Variants in EFHC1 observed in about 807,000 individuals in gnomAD.
EFHC1 encodes the protein EF-hand domain-containing protein 1.
In EFHC1, 53 loss-of-function variants were observed where a neutral mutation model predicts 69.9. That is an observed-to-expected ratio of 0.76 (90% CI 0.61 to 0.95). The LOEUF (loss-of-function observed/expected upper bound fraction) is 0.95, where lower values mean the gene tolerates loss of function less well. Ranked by LOEUF, EFHC1 falls within the 40% of genes least tolerant of loss-of-function variation. EFHC1 has a pLI of 0.00. For synonymous variants in EFHC1, 256 were observed against 278.4 expected, an observed-to-expected ratio of 0.92 and a Z score of 0.80; for missense variants, 739 against 798.7, an observed-to-expected ratio of 0.93 and a Z score of 0.90.
At chr6:52,482,983 T>C (rs1271002259) in intron 9 of EFHC1, 7 of 396,568 alleles carry the variant, frequency 1.8e-5, no homozygotes, top group Non-Finnish European at 1.3e-5. Context: ...ATAAAGTTTG[T>C]GTATCACTGA....
chr6:52,435,849 A>T lies in EFHC1; in HGVS notation c.286-2455A>T, dbSNP rs147068311. Reference sequence around the variant, plus strand: ...CCTCCTAGTTAAGCTTTCTCTGACCACTTTAGTCCACACAGATTCCTTCTT... The same window carrying T: ...CCTCCTAGTTAAGCTTTCTCTGACCTCTTTAGTCCACACAGATTCCTTCTT... On this transcript the variant is annotated intron_variant, in intron 2 of 10. Coordinates refer to ENST00000371068, the MANE Select transcript of EFHC1 (RefSeq NM_018100.4). 1.6e-4 allele frequency among the ~76,000 whole-genome samples: 24 copies of T among 152,288 alleles called. No homozygotes were observed. In the East Asian group the frequency reaches 4.6e-3, roughly 29 times the overall value.
Position 52,495,991 on chromosome 6 carries a change from A to ACTT in EFHC1, c.*3651_*3653dup, listed in dbSNP as rs1766048988. The ACTT allele has an allele frequency of 4.7e-6, 1 of 213,270 alleles. No homozygotes were observed. The highest frequency in any genetic ancestry group is 5.2e-5 in the Admixed American group (1 of 19,102). The allele number at this position is 213,270 out of a possible 1,614,324, so 13.2% of individuals were successfully genotyped here. ...GGAGCCACAAACGTCAGAGCAAATC[A>ACTT]CTTTTTCTACTAAAATCCTGAATGG... On this transcript the variant is annotated 3_prime_UTR_variant, in exon 11 of 11. Coordinates refer to ENST00000371068, the MANE Select transcript of EFHC1 (RefSeq NM_018100.4).
chr6:52,494,411 TC>T lies in EFHC1; in HGVS notation c.*2072del, dbSNP rs1284720582. Reference sequence around the variant, plus strand: ...TCTTTCTGTCTTCTGCTCCCTTTGTTCCTATTCAGCCATGCTGCTGTTTCTA... The same window carrying T: ...TCTTTCTGTCTTCTGCTCCCTTTGTTCTATTCAGCCATGCTGCTGTTTCTA... On this transcript the variant is annotated 3_prime_UTR_variant, in exon 11 of 11. Transcript: ENST00000371068. 1 of 454,016 alleles carries T rather than the reference TC, an allele frequency of 2.2e-6. No homozygotes were observed. Among genetic ancestry groups the T allele is most frequent in the Admixed American group, 2.4e-5 (1 of 42,552 alleles). 28.1% of individuals were successfully genotyped at this position (454,016 alleles called of 1,614,324 possible).
intron 2 of EFHC1, among the ~76,000 whole-genome samples, chr6:52,431,489 T>C (rs1448907371): frequency 1.3e-5 from 2 of 152,220 alleles, no homozygotes; most frequent in African/African-American, 2.4e-5. Flanking sequence ...GGTTATTTAA[T>C]TTCCATGTAT....
chr6:52,483,196 T>C (rs1393162537), intron 9 of EFHC1: 8 of 209,002 alleles, frequency 3.8e-5, no homozygotes, highest in Non-Finnish European at 3.8e-5. Flanking sequence ...TCATAGTTAT[T>C]AACTGTGTTA....
rs752122624 is a variant in EFHC1, at chr6:52,454,208, C to T, written c.837C>T (p.His279=). The change falls in exon 5 of 11, where the codon CAC becomes CAT. Residue 279 remains histidine, a synonymous_variant. Coordinates refer to ENST00000371068, the MANE Select transcript of EFHC1 (RefSeq NM_018100.4). ...MDDTVEIREV[H]ERNDGRDPFP... ...ATACGGTGGAAATTCGAGAGGTCCA[C>T]GAACGGAATGATGGGAGAGATCCTT... is the stretch of plus-strand genomic sequence containing the variant. 24 of 1,614,106 alleles carry T rather than the reference C, an allele frequency of 1.5e-5. No homozygotes were observed. Among genetic ancestry groups the T allele is most frequent in the South Asian group, 9.9e-5 (9 of 91,086 alleles).
At position 52,495,831 on chromosome 6, in the gene EFHC1, AAG is replaced by A. The variant is rs1419747353; in HGVS notation, c.*3492_*3493del. 2 of 348,808 alleles carry A rather than the reference AAG, an allele frequency of 5.7e-6. No homozygotes were observed. Among genetic ancestry groups the A allele is most frequent in the African/African-American group, 4.3e-5 (2 of 46,644 alleles). The allele number at this position is 348,808 out of a possible 1,614,324, so 21.6% of individuals were successfully genotyped here. ...CTTGCATCTCCTTTTAAGTTTACTT[AAG>A]ACTGAGAAGCTGAGATCTGACAGCA... On this transcript the variant is annotated 3_prime_UTR_variant, in exon 11 of 11. Transcript: ENST00000371068.
intron 2 of EFHC1, among the ~76,000 whole-genome samples, chr6:52,431,992 T>A (rs1290970495): frequency 6.6e-6 from 1 of 152,178 alleles, no homozygotes; most frequent in Non-Finnish European, 1.5e-5. Flanking sequence ...TAAAGTTTGT[T>A]TTGTCTGATA....
In EFHC1 at chr6:52,479,627, A is replaced by G; in HGVS notation, c.1493-13A>G. The G allele has an allele frequency of 6.2e-7, 1 of 1,614,200 alleles. No homozygotes were observed. The highest frequency in any genetic ancestry group is 8.5e-7 in the Non-Finnish European group (1 of 1,180,016). ...ACATCACCAAGCTAAGTGTGTTGCTACCTTCTCTCCAGTGTTTGGTCACCG... is the reference window on the plus strand; with the variant it reads ...ACATCACCAAGCTAAGTGTGTTGCTGCCTTCTCTCCAGTGTTTGGTCACCG... On this transcript the variant is annotated splice_polypyrimidine_tract_variant and intron_variant, in intron 8 of 10. Coordinates refer to ENST00000371068, the MANE Select transcript of EFHC1 (RefSeq NM_018100.4).
rs1057520834 is a variant in EFHC1 at position 52,420,398 on chromosome 6, G to A, written c.-13G>A. The A allele has an allele frequency of 5.0e-6, 8 of 1,614,234 alleles. No individual in the cohort carries two copies. The Admixed American group carries it at 1.3e-4, about 27-fold the overall frequency. On this transcript the variant is annotated 5_prime_UTR_variant, in exon 1 of 11. Transcript: ENST00000371068. ...GAAGCAGGACCTAGGTGGCGGCGGT[G>A]GTACCGGCTGCAATGGTGTCCAATC...
intron 3 of EFHC1, among the ~76,000 whole-genome samples, chr6:52,449,341 A>G (rs1407616198): frequency 6.6e-6 from 1 of 150,958 alleles, no homozygotes; most frequent in Non-Finnish European, 1.5e-5. Context: ...AGATTGTGCC[A>G]CTGCACTCCA....
At chr6:52,434,227 C>T (rs1764478438) in intron 2 of EFHC1, among the ~76,000 whole-genome samples, 1 of 152,214 alleles carries the variant, frequency 6.6e-6, no homozygotes, top group Admixed American at 6.5e-5. Flanking sequence ...AATCATTACA[C>T]AGTTCAGCTG....
chr6:52,461,057 T>C (rs923608934), intron 5 of EFHC1, among the ~76,000 whole-genome samples: 1 of 152,196 alleles, frequency 6.6e-6, no homozygotes, highest in Admixed American at 6.5e-5. Context: ...GGATTAAATA[T>C]ATAACAAGTT....
chr6:52,435,287 A>G (rs962014955), intron 2 of EFHC1, among the ~76,000 whole-genome samples: 1 of 152,188 alleles, frequency 6.6e-6, no homozygotes, highest in East Asian at 1.9e-4. Context: ...AATCTTCTTC[A>G]TATCAATTTG....
At chr6:52,430,955 ATCTAC>A (rs1222569072) in intron 2 of EFHC1, among the ~76,000 whole-genome samples, 1 of 152,076 alleles carries the variant, frequency 6.6e-6, no homozygotes, top group Admixed American at 6.6e-5. Flanking sequence ...GAATTTATCT[ATCTAC>A]TCTAGTTTTC....
chr6:52,484,373 C>T (rs937725259), intron 9 of EFHC1: 11 of 152,062 alleles, frequency 7.2e-5, no homozygotes, highest in African/African-American at 2.2e-4. Context: ...ATTTTGAAAA[C>T]GATAAACCCA....
rs768533307 is a variant in EFHC1 at position 52,464,893 on chromosome 6, A to G, written c.917-2A>G. 4 of 1,612,812 alleles carry G rather than the reference A, an allele frequency of 2.5e-6. No individual in the cohort carries two copies. Among genetic ancestry groups the G allele is most frequent in the Admixed American group, 1.7e-5 (1 of 60,008 alleles). On this transcript the variant is annotated splice_acceptor_variant, in intron 5 of 10. Transcript: ENST00000371068. LOFTEE classifies it high-confidence loss of function. ...TTTCTCTCTAACACCATCTTATATT[A>G]GAGAACTTCCCTCAGTGTGTGCTAG...
chr6:52,481,345 A>G (rs1765669996), intron 9 of EFHC1, among the ~76,000 whole-genome samples: 1 of 152,084 alleles, frequency 6.6e-6, no homozygotes, highest in Admixed American at 6.5e-5. Context: ...TGGGGATTTC[A>G]GTTCTGGATA....
At chr6:52,433,559 G>A (rs1764461873) in intron 2 of EFHC1, among the ~76,000 whole-genome samples, 1 of 152,176 alleles carries the variant, frequency 6.6e-6, no homozygotes, top group South Asian at 2.1e-4. Flanking sequence ...ATAGATACCA[G>A]CACCTGCTCC....
Sources: allele counts gnomAD v4.1 joint callset (sites outside exome capture counted in the v4.1 genomes callset), GRCh38; gene constraint gnomAD v4.1.1; transcripts MANE v1.5; gene names NCBI Gene and HGNC (gene_info 2026-07-23, HGNC 2026-07-21).